RPS20: variants seen among roughly 807,000 people sequenced by gnomAD.
The protein encoded by RPS20 is small ribosomal subunit protein uS10.
A neutral mutation model predicts 15.3 loss-of-function variants in RPS20; 3 were observed. The observed-to-expected ratio is 0.20, with a 90% CI of 0.09 to 0.51. RPS20 has a LOEUF of 0.51. Among genes scored for constraint, RPS20 ranks in the 20% least tolerant of loss-of-function variants. The pLI is 0.96. For synonymous variants in RPS20, 62 were observed against 47.8 expected (o/e 1.30, Z -1.23); for missense variants, 67 against 145.9 (o/e 0.46, Z 2.79).
At position 56,073,767 on chromosome 8, in the gene RPS20, C is replaced by T. The variant is rs748996829; in HGVS notation, c.105G>A (p.Val35=). Residue 35 remains valine, a splice_region_variant and synonymous_variant, in exon 3 of 4, where the codon GTG becomes GTA. Coordinates refer to ENST00000009589, the MANE Select transcript of RPS20 (RefSeq NM_001023.4). The part of the protein sequence containing the change: ...TSRNVKSLEK[V]CADLIRGAKE... ...TTGCGCCTCTTATCAAGTCAGCACA[C>T]ACTACAGGAAATAAAAGACCTCTCA... 7 of 1,614,002 alleles carry T rather than the reference C, an allele frequency of 4.3e-6. No individual in the cohort carries two copies. The highest frequency in any genetic ancestry group is 3.3e-5 in the Admixed American group (2 of 60,028).
At chr8:56,069,824 A>G (rs79444047), downstream of RPS20, 8,645 of 1,495,880 alleles carry the variant, frequency 5.8e-3, 178 homozygotes, top group African/African-American at 0.062. Flanking sequence ...GCATCTGTAG[A>G]TTCGATCAAC....
At position 56,074,485 on chromosome 8, in the gene RPS20, C is replaced by A; in HGVS notation, c.-102G>T. 2 of 1,303,836 alleles carry A rather than the reference C, an allele frequency of 1.5e-6. No individual in the cohort carries two copies. The highest frequency in any genetic ancestry group is 1.3e-5 in the South Asian group (1 of 76,504). The allele number at this position is 1,303,836 out of a possible 1,614,324, so 80.8% of individuals were successfully genotyped here. A position where few individuals can be genotyped will look rare whatever the true frequency, so the allele number is the denominator to read the frequency against. ...GCGGACCAAAAATCCTCAGCCCTTA[C>A]GACCGCGTCTTCCTCAAAAAGAAAG... On this transcript the variant is annotated 5_prime_UTR_variant, in exon 1 of 4. Coordinates refer to ENST00000009589, the MANE Select transcript of RPS20 (RefSeq NM_001023.4).
At chr8:56,068,375 A>G (rs570960368), downstream of RPS20, 4 of 152,192 alleles carry the variant, frequency 2.6e-5, no homozygotes, top group East Asian at 1.9e-4. Context: ...CCATCTCTAC[A>G]TAAAATACAA....
In RPS20 at chr8:56,074,444, T is replaced by G; in HGVS notation, c.-61A>C. The G allele has an allele frequency of 6.5e-7, 1 of 1,538,020 alleles. No homozygotes were observed. The highest frequency in any genetic ancestry group is 1.2e-5 in the South Asian group (1 of 84,806). ...CTCGGCGAGAGCGAACAGCGGTGAG[T>G]CAGGAGCAGGAGCGTGCGGACCAAA... On this transcript the variant is annotated 5_prime_UTR_variant, in exon 1 of 4. Transcript: ENST00000009589.
downstream of RPS20, among the ~76,000 whole-genome samples, chr8:56,071,825 T>C (rs1463613231): frequency 6.6e-6 from 1 of 152,234 alleles, no homozygotes; most frequent in African/African-American, 2.4e-5. Context: ...TTTGATCCTA[T>C]TAAAAATTTC....
chr8:56,074,233 A>C (rs1477652228), intron 1 of RPS20, 74 bp from the exon 2 acceptor site: 2 of 1,538,164 alleles, frequency 1.3e-6, no homozygotes, highest in Non-Finnish European at 1.8e-6. Context: ...CAGCTTCCGG[A>C]AGCTTCCCGC....
chr8:56,072,990 A>G (rs978547374), downstream of RPS20: 8 of 1,482,732 alleles, frequency 5.4e-6, no homozygotes, highest in Admixed American at 1.7e-4. Flanking sequence ...GAAAAGTGGA[A>G]GTCTCATAGT....
intron 3 of RPS20, 97 bp downstream of exon 3, chr8:56,073,598 A>C: frequency 1.1e-6 from 1 of 928,346 alleles, no homozygotes; most frequent in Admixed American, 1.7e-5. Context: ...AGACAGCATC[A>C]GTGTTAACAA....
rs1236473641 is a variant in RPS20, at chr8:56,073,772, C to A, written c.104-4G>T. On this transcript the variant is annotated splice_region_variant and splice_polypyrimidine_tract_variant and intron_variant, in intron 2 of 3. Coordinates refer to ENST00000009589, the MANE Select transcript of RPS20 (RefSeq NM_001023.4). ...CCTCTTATCAAGTCAGCACACACTA[C>A]AGGAAATAAAAGACCTCTCAGTATA... 6.2e-7 allele frequency: 1 copy of A among 1,613,592 alleles called. No individual in the cohort carries two copies. Among genetic ancestry groups the A allele is most frequent in the Non-Finnish European group, 8.5e-7 (1 of 1,179,592 alleles).
At chr8:56,070,749 AAAAAAATTCTGAC>A (rs1200863427), downstream of RPS20, among the ~76,000 whole-genome samples, 1 of 151,956 alleles carries the variant, frequency 6.6e-6, no homozygotes, top group Non-Finnish European at 1.5e-5. Flanking sequence ...AAAAAAAAAA[AAAAAAATTCTGAC>A]CCAGCAATGA....
downstream of RPS20, among the ~76,000 whole-genome samples, chr8:56,071,913 A>T (rs762454709): frequency 2.6e-5 from 4 of 152,228 alleles, no homozygotes; most frequent in Non-Finnish European, 5.9e-5. Context: ...ACTTTCCCCA[A>T]TAAGTTTAGC....
downstream of RPS20, among the ~76,000 whole-genome samples, chr8:56,071,668 T>G (rs986758274): frequency 1.3e-5 from 2 of 152,192 alleles, no homozygotes; most frequent in Admixed American, 1.3e-4. Context: ...TTTAGACACA[T>G]TAGCTTTTCA....
downstream of RPS20, chr8:56,073,048 C>A: frequency 6.3e-7 from 1 of 1,579,242 alleles, no homozygotes; most frequent in Non-Finnish European, 8.5e-7. Context: ...TAAAAACCAA[C>A]AGAAGTTAAC....
In RPS20 at chr8:56,073,872, C is replaced by G. The variant is rs776329333; in HGVS notation, c.104-104G>C. Reference sequence around the variant, plus strand: ...ATAGCGTATAAAATTATCACCGTTACTCAACACAATAGGTACCTCCTCATC... The same window carrying G: ...ATAGCGTATAAAATTATCACCGTTAGTCAACACAATAGGTACCTCCTCATC... On this transcript the variant is annotated intron_variant, in intron 2 of 3. Coordinates refer to ENST00000009589, the MANE Select transcript of RPS20 (RefSeq NM_001023.4). 5 of 1,179,366 alleles carry G rather than the reference C, an allele frequency of 4.2e-6. No individual in the cohort carries two copies. The Admixed American group carries it at 5.0e-5, about 12-fold the overall frequency. The allele number at this position is 1,179,366 out of a possible 1,614,324, so 73.1% of individuals were successfully genotyped here.
exon 6 of RPS20, chr8:56,067,332 A>G (rs1809638695): frequency 6.6e-6 from 1 of 152,220 alleles, no homozygotes; most frequent in African/African-American, 2.4e-5. Context: ...CAACAGATGA[A>G]TGAATTTTTA....
downstream of RPS20, chr8:56,069,949 T>C (rs1193336417): frequency 4.4e-6 from 3 of 682,912 alleles, no homozygotes; most frequent in Non-Finnish European, 8.0e-6. Context: ...ATTTACATTG[T>C]ATTAGGTATT....
Position 56,073,949 on chromosome 8 carries a change from G to A in RPS20, c.103+111C>T, listed in dbSNP as rs541528301. ...TTTAAGCCACGCTTTACTTTTTTAA[G>A]TAACTTGTCACTTTAGTTCTTGCAG... On this transcript the variant is annotated intron_variant, in intron 2 of 3. Coordinates refer to ENST00000009589, the MANE Select transcript of RPS20 (RefSeq NM_001023.4). 28 of 1,153,026 alleles carry A rather than the reference G, an allele frequency of 2.4e-5. No individual in the cohort carries two copies. The African/African-American group carries it at 3.5e-4, about 14-fold the overall frequency. 71.4% of individuals were successfully genotyped at this position (1,153,026 alleles called of 1,614,324 possible).
chr8:56,070,737 C>CA (rs201439919), downstream of RPS20, among the ~76,000 whole-genome samples: 26,870 of 119,084 alleles, frequency 0.23, 2,722 homozygotes, highest in Middle Eastern at 0.37. Context: ...CATTTAAATT[C>CA]AAAAAAAAAA....
chr8:56,069,956 T>C, downstream of RPS20: 1 of 669,450 alleles, frequency 1.5e-6, no homozygotes, highest in Non-Finnish European at 2.7e-6. Flanking sequence ...TTGTATTAGG[T>C]ATTACAAGTA....
Sources: gnomAD v4.1 joint callset for allele counts (sites outside exome capture counted in the v4.1 genomes callset) on GRCh38, gnomAD v4.1.1 for gene constraint, MANE v1.5 for transcripts, NCBI Gene and HGNC (gene_info 2026-07-23, HGNC 2026-07-21) for gene names.